Variants in C15orf39 observed in about 807,000 individuals in gnomAD.
C15orf39 encodes uncharacterized protein C15orf39.
In C15orf39, 24 loss-of-function variants were observed where a neutral mutation model predicts 53.9. That is an observed-to-expected ratio of 0.45 (90% CI 0.32 to 0.63). C15orf39 has a LOEUF of 0.63. Ranked by LOEUF, C15orf39 falls within the 20% of genes least tolerant of loss-of-function variation. The probability of loss-of-function intolerance (pLI) is 0.04; values close to 1 mark genes in which losing one functional copy is unlikely to be tolerated. For synonymous variants in C15orf39, 569 were observed against 576.5 expected, an observed-to-expected ratio of 0.99 and a Z score of 0.19; for missense variants, 1,271 against 1,347.9, an observed-to-expected ratio of 0.94 and a Z score of 0.89.
chr15:75,208,961 C>G (rs1398115156), intron 2 of C15orf39, 137 bp downstream of exon 2: 3 of 1,388,042 alleles, frequency 2.2e-6, no homozygotes, highest in African/African-American at 2.9e-5. Context: ...AGGATGAGCT[C>G]TAGGTACCCC....
At position 75,206,854 on chromosome 15, in the gene C15orf39, A is replaced by ACCCCCCCCC; in HGVS notation, c.809_810insCCCCCCCCC (p.Pro270_Pro272dup). ...TGTCAGGACACCGGGCCCACCCACT[A>ACCCCCCCCC]CCCACCACCCCACCACCCACCACCC... On this transcript the variant is annotated inframe_insertion, in exon 2 of 3. Transcript: ENST00000394987. The ACCCCCCCCC allele has an allele frequency of 1.4e-6, 2 of 1,432,804 alleles. No homozygotes were observed. Among genetic ancestry groups the ACCCCCCCCC allele is most frequent in the Non-Finnish European group, 9.4e-7 (1 of 1,060,038 alleles). 88.8% of individuals were successfully genotyped at this position (1,432,804 alleles called of 1,614,324 possible).
Position 75,201,935 on chromosome 15 carries a change from G to C in C15orf39, c.-175G>C, listed in dbSNP as rs1194610317. 6.6e-6 allele frequency: 1 copy of C among 152,010 alleles called. No homozygotes were observed. Among genetic ancestry groups the C allele is most frequent in the Non-Finnish European group, 1.5e-5 (1 of 67,980 alleles). 9.4% of individuals were successfully genotyped at this position (152,010 alleles called of 1,614,324 possible). On this transcript the variant is annotated 5_prime_UTR_variant, in exon 1 of 3. Transcript: ENST00000394987. This position sits in a 1 kb window ranked among gnomAD's most constrained non-coding sequence, Gnocchi z 4.7. ...CAGCTAGGAGGGTTGCTCCGGGCTT[G>C]GTGCTCACTGCGACTTCCCGCGCAG...
chr15:75,204,781 A>G (rs2070427028), intron 1 of C15orf39, among the ~76,000 whole-genome samples: 1 of 152,136 alleles, frequency 6.6e-6, no homozygotes. Flanking sequence ...AAGTGCTGGG[A>G]TTACAGGTGT....
chr15:75,210,781 T>C lies in C15orf39; in HGVS notation c.2809T>C (p.Ser937Pro). 6.2e-7 allele frequency: 1 copy of C among 1,611,576 alleles called. No homozygotes were observed. Residue 937 changes from serine to proline, a missense_variant, in exon 3 of 3, where the codon TCC becomes CCC. Physicochemically the swap from Ser to Pro is moderately conservative, Grantham distance 74 (BLOSUM62 -1). Coordinates refer to ENST00000394987, the MANE Select transcript of C15orf39 (RefSeq NM_015492.5). ...DFDTEAGAVS[S>P]SEPTVARGEP... Reference sequence around the variant, plus strand: ...TGACACTGAGGCTGGAGCTGTGTCCTCCTCAGAGCCCACTGTGGCCAGAGG... The same window carrying C: ...TGACACTGAGGCTGGAGCTGTGTCCCCCTCAGAGCCCACTGTGGCCAGAGG...
Position 75,208,000 on chromosome 15 carries a change from T to C in C15orf39, c.1952T>C (p.Phe651Ser). The C allele has an allele frequency of 6.2e-7, 1 of 1,613,998 alleles. No individual in the cohort carries two copies. Among genetic ancestry groups the C allele is most frequent in the Non-Finnish European group, 8.5e-7 (1 of 1,180,002 alleles). ...TNFHSSVAFM[F>S]RKFKILRPAP... is the part of the protein sequence containing the mutation. ...TTCCACAGCTCTGTGGCCTTCATGTTCCGAAAGTTCAAGATCCTCCGTCCG... is the reference window on the plus strand; with the variant it reads ...TTCCACAGCTCTGTGGCCTTCATGTCCCGAAAGTTCAAGATCCTCCGTCCG... Residue 651 changes from phenylalanine (F) to serine (S), a missense_variant, in exon 2 of 3, where the codon TTC (phenylalanine) becomes TCC (serine). Phe to Ser is a radical substitution (Grantham distance 155). Around this residue, in one of 2 missense-constraint regions of C15orf39, gnomAD observed 994 missense variants for 993.7 expected, o/e 1.00. Transcript: ENST00000394987.
intron 2 of C15orf39, 171 bp downstream of exon 2, chr15:75,208,995 C>A: frequency 8.9e-7 from 1 of 1,127,210 alleles, no homozygotes; most frequent in Non-Finnish European, 1.2e-6. Flanking sequence ...TCCAGACAAT[C>A]AGTGAGCACC....
At position 75,210,748 on chromosome 15, in the gene C15orf39, G is replaced by A; in HGVS notation, c.2777-1G>A. 7 of 1,596,356 alleles carry A rather than the reference G, an allele frequency of 4.4e-6. No individual in the cohort carries two copies. The highest frequency in any genetic ancestry group is 6.0e-6 in the Non-Finnish European group (7 of 1,167,364). ...AGGCTGACTATGTGTTCGTTTTCCA[G>A]GTGACTTTGACACTGAGGCTGGAGC... On this transcript the variant is annotated splice_acceptor_variant, in intron 2 of 2. Coordinates refer to ENST00000394987, the MANE Select transcript of C15orf39 (RefSeq NM_015492.5). LOFTEE classifies it high-confidence loss of function.
At chr15:75,201,844 C>CCCCCG (rs2070403444), upstream of C15orf39, 2 of 151,740 alleles carry the variant, frequency 1.3e-5, no homozygotes, top group Non-Finnish European at 2.9e-5. The surrounding 1 kb of genome is among the most constrained non-coding windows in gnomAD (Gnocchi z 4.7). Flanking sequence ...AGTCGCCCCG[C>CCCCCG]CCCCGCCCCG....
chr15:75,204,799 A>G (rs2141596493), intron 1 of C15orf39, among the ~76,000 whole-genome samples: 1 of 152,184 alleles, frequency 6.6e-6, no homozygotes, highest in South Asian at 2.1e-4. Flanking sequence ...TGTGAGCCAC[A>G]GCACCTAGCC....
rs909382662 is a variant in C15orf39 at position 75,207,612 on chromosome 15, G to A, written c.1564G>A (p.Glu522Lys). The change falls in exon 2 of 3, where the codon GAG becomes AAG. Residue 522 changes from glutamate to lysine, a missense_variant. By Grantham distance (56) the Glu-to-Lys change is moderately conservative (BLOSUM62 1). This residue lies in a region of C15orf39 where 994 missense variants were observed against 993.7 expected (regional missense o/e 1.00). Coordinates refer to ENST00000394987, the MANE Select transcript of C15orf39 (RefSeq NM_015492.5). ...YRDYLDVPAPEATTEPDSATA... is the reference protein window; with the variant it reads ...YRDYLDVPAPKATTEPDSATA... The stretch of plus-strand genomic sequence containing the variant: ...TGACTATCTGGATGTGCCGGCACCC[G>A]AGGCCACAACTGAGCCTGACTCTGC... The A allele has an allele frequency of 1.6e-5, 25 of 1,610,978 alleles. No homozygotes were observed. Among genetic ancestry groups the A allele is most frequent in the Admixed American group, 1.2e-4 (7 of 59,964 alleles).
chr15:75,201,794 G>A (rs2070402808), upstream of C15orf39: 1 of 152,068 alleles, frequency 6.6e-6, no homozygotes, highest in South Asian at 2.1e-4. The surrounding 1 kb of genome is among the most constrained non-coding windows in gnomAD (Gnocchi z 4.7). Flanking sequence ...CAGGAGCGCA[G>A]GCTCCCAGAG....
intron 2 of C15orf39, 35 bp from the exon 3 acceptor site, chr15:75,210,714 G>A (rs2070476823): frequency 6.4e-7 from 1 of 1,567,230 alleles, no homozygotes; most frequent in South Asian, 1.2e-5. Context: ...CTGAGGGTAT[G>A]GGGTCTGCAG....
chr15:75,208,876 G>A (rs2070463281), intron 2 of C15orf39, 52 bp downstream of exon 2: 1 of 1,546,268 alleles, frequency 6.5e-7, no homozygotes, highest in Admixed American at 1.8e-5. Flanking sequence ...GCAAGTGACA[G>A]GTGTGTGTGC....
rs144707952 is a variant in C15orf39 at position 75,207,071 on chromosome 15, C to T, written c.1023C>T (p.Asp341=). ...CTTACATTCCCCCACTGGGGCTGGA[C>T]GCTTACCCCTACCCCTCTGCCCCTC... ...QAPYIPPLGL[D]AYPYPSAPLP... is the part of the protein sequence containing the mutation. Residue 341 remains aspartate (D), a synonymous_variant, in exon 2 of 3, where the codon GAC becomes GAT. Coordinates refer to ENST00000394987, the MANE Select transcript of C15orf39 (RefSeq NM_015492.5). 2.6e-5 allele frequency: 42 copies of T among 1,611,052 alleles called. No homozygotes were observed. In the East Asian group the frequency reaches 2.7e-4, roughly 10 times the overall value.
At position 75,208,735 on chromosome 15, in the gene C15orf39, T is replaced by C; in HGVS notation, c.2687T>C (p.Met896Thr). ...ELALPGCTSRMLKLLALRQLP... is the reference protein window; with the variant it reads ...ELALPGCTSRTLKLLALRQLP... ...GCCCTGCCAGGCTGCACCTCACGCA[T>C]GCTGAAGTTACTGGCGCTGCGCCAG... Residue 896 changes from methionine (M) to threonine (T), a missense_variant, in exon 2 of 3, where the codon ATG becomes ACG. Around this residue, in one of 2 missense-constraint regions of C15orf39, gnomAD observed 277 missense variants for 354.1 expected, o/e 0.78. Coordinates refer to ENST00000394987, the MANE Select transcript of C15orf39 (RefSeq NM_015492.5). 6.2e-7 allele frequency: 1 copy of C among 1,607,622 alleles called. No individual in the cohort carries two copies. Among genetic ancestry groups the C allele is most frequent in the South Asian group, 1.1e-5 (1 of 90,972 alleles).
Position 75,206,644 on chromosome 15 carries a change from C to A in C15orf39, c.596C>A (p.Ser199Tyr). ...TTGCGGGGGGTGCCAGCTGAGGGGTCCAGTAAAGACTCCTCAGGGAGCTTC... is the reference window on the plus strand; with the variant it reads ...TTGCGGGGGGTGCCAGCTGAGGGGTACAGTAAAGACTCCTCAGGGAGCTTC... Reference protein sequence around the residue: ...TFLRGVPAEGSSKDSSGSFSP... With the variant: ...TFLRGVPAEGYSKDSSGSFSP... Residue 199 changes from serine to tyrosine, a missense_variant, in exon 2 of 3, where the codon TCC (serine) becomes TAC (tyrosine). This residue lies in a region of C15orf39 where 994 missense variants were observed against 993.7 expected (regional missense o/e 1.00). Coordinates refer to ENST00000394987, the MANE Select transcript of C15orf39 (RefSeq NM_015492.5). The A allele has an allele frequency of 6.2e-7, 1 of 1,613,646 alleles. No individual in the cohort carries two copies. Among genetic ancestry groups the A allele is most frequent in the Non-Finnish European group, 8.5e-7 (1 of 1,179,946 alleles).
chr15:75,201,067 C>G (rs577498363), upstream of C15orf39, among the ~76,000 whole-genome samples: 207 of 152,290 alleles, frequency 1.4e-3, no homozygotes, highest in South Asian at 8.3e-3. The surrounding 1 kb of genome is among the most constrained non-coding windows in gnomAD (Gnocchi z 4.7). Flanking sequence ...ACACCTGTTC[C>G]CAGTCCTCGG....
rs151295491 is a variant in C15orf39 at position 75,208,784 on chromosome 15, T to C, written c.2736T>C (p.Leu912=). 1.2e-5 allele frequency: 19 copies of C among 1,607,468 alleles called. No individual in the cohort carries two copies. Among genetic ancestry groups the C allele is most frequent in the Admixed American group, 1.7e-5 (1 of 59,954 alleles). The part of the protein sequence containing the change: ...LRQLPDIYPD[L]LGLQWRDCVR... ...AGCTGCCGGACATTTACCCCGACCT[T>C]CTCGGCCTGCAGTGGCGCGACTGTG... is the stretch of plus-strand genomic sequence containing the variant. The change falls in exon 2 of 3, where the codon CTT becomes CTC. Residue 912 remains leucine, a synonymous_variant. Transcript: ENST00000394987.
At chr15:75,210,381 A>G (rs1206320200) in intron 2 of C15orf39, among the ~76,000 whole-genome samples, 2 of 152,076 alleles carry the variant, frequency 1.3e-5, no homozygotes. Flanking sequence ...TGGGGCTGGT[A>G]TGGCAGAAAC....
Sources: allele counts gnomAD v4.1 joint callset (sites outside exome capture counted in the v4.1 genomes callset), GRCh38; gene constraint gnomAD v4.1.1; regional missense constraint gnomAD v4.1.1; non-coding constraint Gnocchi (gnomAD v3.1); transcripts MANE v1.5; gene names NCBI Gene and HGNC (gene_info 2026-07-23, HGNC 2026-07-21).